The following ILDR1 variants were observed in gnomAD, a reference collection of about 807,000 sequenced individuals.
The protein encoded by ILDR1 is immunoglobulin-like domain-containing receptor 1.
ILDR1 carries 56 observed loss-of-function variants against 62.4 expected under a neutral mutation model. The observed-to-expected ratio is 0.90, with a 90% CI of 0.72 to 1.12. The LOEUF is 1.12. ILDR1 is among the 50% of genes most tolerant of loss of function. ILDR1 has a pLI of 0.00. For synonymous variants in ILDR1, 284 were observed against 277.8 expected (o/e 1.02, Z -0.22); for missense variants, 736 against 710.6 (o/e 1.04, Z -0.41).
intron 5 of ILDR1, among the ~76,000 whole-genome samples, chr3:121,997,321 T>C (rs188275150): frequency 1.3e-5 from 2 of 152,338 alleles, no homozygotes; most frequent in Admixed American, 6.5e-5. Flanking sequence ...TAGAATCTGA[T>C]GCCCCTTTGA....
upstream of ILDR1, among the ~76,000 whole-genome samples, chr3:122,024,048 T>C (rs536389160): frequency 1.3e-5 from 2 of 151,770 alleles, no homozygotes; most frequent in African/African-American, 4.8e-5. Flanking sequence ...CGCTTTGGTA[T>C]AAAGGCCATT....
At chr3:122,000,462 G>A (rs2071505461) in intron 5 of ILDR1, among the ~76,000 whole-genome samples, 1 of 152,228 alleles carries the variant, frequency 6.6e-6, no homozygotes, top group African/African-American at 2.4e-5. Context: ...GGCACACCTG[G>A]AGAGGACATG....
chr3:122,035,663 T>C, the ILDR1 span, among the ~76,000 whole-genome samples: 1 of 152,174 alleles, frequency 6.6e-6, no homozygotes, highest in Non-Finnish European at 1.5e-5. Flanking sequence ...TAAGATGTGC[T>C]TGCTTCCCCT....
chr3:122,008,579 TTTTC>T (rs2071650856), intron 1 of ILDR1, among the ~76,000 whole-genome samples: 1 of 67,210 alleles, frequency 1.5e-5, no homozygotes. Flanking sequence ...TTTTCTTTTC[TTTTC>T]TTTTCTTTTC....
chr3:122,007,628 G>A (rs749230996), intron 1 of ILDR1, among the ~76,000 whole-genome samples: 51 of 152,056 alleles, frequency 3.4e-4, no homozygotes, highest in African/African-American at 5.1e-4. Flanking sequence ...GTCCCTTCAC[G>A]TCCCATCGAG....
At chr3:122,007,476 G>A (rs368125142) in intron 1 of ILDR1, among the ~76,000 whole-genome samples, 10 of 152,254 alleles carry the variant, frequency 6.6e-5, no homozygotes, top group African/African-American at 2.4e-4. Flanking sequence ...TTGTACAGAA[G>A]TGACACTGCT....
chr3:122,005,932 CAAACAA>C (rs1238577289), intron 2 of ILDR1, among the ~76,000 whole-genome samples: 2 of 138,858 alleles, frequency 1.4e-5, no homozygotes, highest in Admixed American at 7.2e-5. Flanking sequence ...CAAAAACAAA[CAAACAA>C]AAAAAAAACC....
Position 121,994,179 on chromosome 3 carries a change from T to C in ILDR1, c.778+3A>G. On this transcript the variant is annotated splice_donor_region_variant and intron_variant, in intron 6 of 7. Coordinates refer to ENST00000344209, the MANE Select transcript of ILDR1 (RefSeq NM_001199799.2). ...CCTATCCCAAATCTCTGGAAGAGTTTACCTCGCTGCAGCAGCGGGTGCATT... is the reference window on the plus strand; with the variant it reads ...CCTATCCCAAATCTCTGGAAGAGTTCACCTCGCTGCAGCAGCGGGTGCATT... The C allele has an allele frequency of 6.5e-7, 1 of 1,536,140 alleles. No individual in the cohort carries two copies. Among genetic ancestry groups the C allele is most frequent in the East Asian group, 2.4e-5 (1 of 40,910 alleles).
chr3:121,988,304 A>G lies in ILDR1; in HGVS notation c.*63T>C. On this transcript the variant is annotated 3_prime_UTR_variant, in exon 8 of 8. Transcript: ENST00000344209. Reference sequence around the variant, plus strand: ...CAGTTCCCAAGTCAGCTGGAAACCTAGGTGATGCTGATGACACACAGGAGC... The same window carrying G: ...CAGTTCCCAAGTCAGCTGGAAACCTGGGTGATGCTGATGACACACAGGAGC... 1 of 1,375,414 alleles carries G rather than the reference A, an allele frequency of 7.3e-7. No individual in the cohort carries two copies. 85.2% of individuals were successfully genotyped at this position (1,375,414 alleles called of 1,614,324 possible). A position where few individuals can be genotyped will look rare whatever the true frequency, so the allele number is the denominator to read the frequency against.
At chr3:122,020,878 G>A (rs1487980680) in intron 1 of ILDR1, among the ~76,000 whole-genome samples, 3 of 152,102 alleles carry the variant, frequency 2.0e-5, no homozygotes, top group African/African-American at 4.8e-5. Flanking sequence ...AGAGGGCCTT[G>A]GGGGATATCA....
chr3:121,994,048 C>T, intron 6 of ILDR1, 78 bp from the exon 7 acceptor site: 2 of 1,507,860 alleles, frequency 1.3e-6, no homozygotes, highest in Non-Finnish European at 1.8e-6. Flanking sequence ...CAAAATGTGA[C>T]ATTGGTTAGC....
Position 122,022,155 on chromosome 3 carries a change from C to T in ILDR1, c.-78G>A. 2 of 1,265,724 alleles carry T rather than the reference C, an allele frequency of 1.6e-6. No individual in the cohort carries two copies. Among genetic ancestry groups the T allele is most frequent in the Non-Finnish European group, 2.2e-6 (2 of 896,404 alleles). The allele number at this position is 1,265,724 out of a possible 1,614,324, so 78.4% of individuals were successfully genotyped here. ...TTCTTCCTCAGCTGCCGCCCCAGGA[C>T]GCACCACCTTCTCCAAGGAACCCCT... is the stretch of plus-strand genomic sequence containing the variant. On this transcript the variant is annotated 5_prime_UTR_variant, in exon 1 of 8. Transcript: ENST00000344209.
At chr3:122,023,202 A>AT (rs1268745524), upstream of ILDR1, among the ~76,000 whole-genome samples, 3 of 151,324 alleles carry the variant, frequency 2.0e-5, no homozygotes, top group African/African-American at 7.3e-5. Context: ...TATTTATTTT[A>AT]TTTTTTCTTA....
At chr3:122,029,511 A>ATATATATATATATAT in the ILDR1 span, among the ~76,000 whole-genome samples, 78 of 139,494 alleles carry the variant, frequency 5.6e-4, 1 homozygote, top group African/African-American at 1.4e-3. Context: ...GTCTAAAAAA[A>ATATATATATATATAT]ATATATATAT....
At chr3:122,026,491 T>G (rs879291750), upstream of ILDR1, among the ~76,000 whole-genome samples, 3 of 152,200 alleles carry the variant, frequency 2.0e-5, no homozygotes, top group Non-Finnish European at 4.4e-5. Flanking sequence ...ATTCCTTTAA[T>G]GAACATAAAC....
chr3:122,054,842 A>G, the ILDR1 span, among the ~76,000 whole-genome samples: 6 of 152,188 alleles, frequency 3.9e-5, no homozygotes, highest in Non-Finnish European at 7.4e-5. Context: ...GCTTTCATCA[A>G]TGTAATCCTT....
chr3:121,995,353 G>A (rs552547947), intron 5 of ILDR1, among the ~76,000 whole-genome samples: 1 of 152,224 alleles, frequency 6.6e-6, no homozygotes, highest in South Asian at 2.1e-4. Context: ...GGGCCCTGTG[G>A]CCACCCCTAA....
At chr3:122,026,755 G>A (rs2107686220), upstream of ILDR1, among the ~76,000 whole-genome samples, 1 of 152,262 alleles carries the variant, frequency 6.6e-6, no homozygotes, top group South Asian at 2.1e-4. Context: ...GGAAGCTAAT[G>A]AAAGGGGTCT....
At chr3:122,042,251 A>C in the ILDR1 span, among the ~76,000 whole-genome samples, 1 of 71,800 alleles carries the variant, frequency 1.4e-5, no homozygotes, top group Non-Finnish European at 2.7e-5. Flanking sequence ...CGAACTCATC[A>C]TTTTTTATGG....
Sources: allele counts gnomAD v4.1 joint callset (sites outside exome capture counted in the v4.1 genomes callset), GRCh38; gene constraint gnomAD v4.1.1; transcripts MANE v1.5; gene names NCBI Gene and HGNC (gene_info 2026-07-23, HGNC 2026-07-21).